Variants in HEG1 observed in about 807,000 individuals in gnomAD.
The protein encoded by HEG1 is protein HEG homolog 1.
A neutral mutation model predicts 125.6 loss-of-function variants in HEG1; 56 were observed. The ratio of observed to expected loss-of-function variants is 0.45; its 90% confidence interval spans 0.36 to 0.56. The LOEUF (loss-of-function observed/expected upper bound fraction) is 0.56. Ranked by LOEUF, HEG1 falls within the 20% of genes least tolerant of loss-of-function variation. The pLI, the probability that HEG1 is intolerant of heterozygous loss-of-function variation, is 0.00. For synonymous variants in HEG1, 644 were observed against 668.5 expected (o/e 0.96, Z 0.57); for missense variants, 1,523 against 1,670.0 (o/e 0.91, Z 1.53).
chr3:125,055,597 C>A lies in HEG1; in HGVS notation c.294G>T (p.Arg98=). 1 of 1,206,050 alleles carries A rather than the reference C, an allele frequency of 8.3e-7. No individual in the cohort carries two copies. Among genetic ancestry groups the A allele is most frequent in the Non-Finnish European group, 1.0e-6 (1 of 971,076 alleles). 74.7% of individuals were successfully genotyped at this position (1,206,050 alleles called of 1,614,324 possible). ...CACCCGCGCTCCCGCCTCTGGGGGC[C>A]CGGCCGGAGGGTCCCCGCTGTGTCG... ...GAATQRGPSG[R]APRGGSADAA... The change falls in exon 1 of 17, where the codon CGG becomes CGT. Residue 98 remains arginine, a synonymous_variant. Coordinates refer to ENST00000311127, the MANE Select transcript of HEG1 (RefSeq NM_020733.2).
At chr3:125,008,400 C>T (rs1165149609) in intron 8 of HEG1, among the ~76,000 whole-genome samples, 4 of 152,222 alleles carry the variant, frequency 2.6e-5, no homozygotes, top group African/African-American at 7.2e-5. Context: ...GACATTTGCT[C>T]TCTCAAAAAC....
intron 12 of HEG1, among the ~76,000 whole-genome samples, 177 bp from the exon 13 acceptor site, chr3:124,991,163 T>TC (rs58811865): frequency 0.24 from 35,464 of 150,528 alleles, 4,312 homozygotes; most frequent in East Asian, 0.35. Flanking sequence ...TTTTTTTTTT[T>TC]TTCTGAGATA....
rs1265947612 is a variant in HEG1, at chr3:124,987,799, C to A, written c.3733+2988G>T. Among the ~76,000 whole-genome samples the A allele has an allele frequency of 2.0e-5, 3 of 151,108 alleles. 1 individual carries two copies. Among genetic ancestry groups the A allele is most frequent in the African/African-American group, 7.3e-5 (3 of 41,320 alleles). On this transcript the variant is annotated intron_variant, in intron 14 of 16. Coordinates refer to ENST00000311127, the MANE Select transcript of HEG1 (RefSeq NM_020733.2). ...CCTCCCAAAGTGCTGAGATTACAGG[C>A]GTGAGCCACAGCGCCCGGCCAAGCC...
chr3:124,997,786 G>A lies in HEG1; in HGVS notation c.3555C>T (p.Asp1185=). The change falls in exon 12 of 17, where the codon GAC becomes GAT. Residue 1185 remains aspartate, a synonymous_variant. Coordinates refer to ENST00000311127, the MANE Select transcript of HEG1 (RefSeq NM_020733.2). ...SLCKRKSPEC[D]KDTSICTDLD... Reference sequence around the variant, plus strand: ...GGTCAGTGCAGATGGAGGTGTCTTTGTCACATTCGGGACTCTTCCGCTTGC... The same window carrying A: ...GGTCAGTGCAGATGGAGGTGTCTTTATCACATTCGGGACTCTTCCGCTTGC... 6.3e-7 allele frequency: 1 copy of A among 1,595,806 alleles called. No homozygotes were observed. The highest frequency in any genetic ancestry group is 8.6e-7 in the Non-Finnish European group (1 of 1,168,080).
chr3:124,982,475 T>A (rs546131652), intron 14 of HEG1, among the ~76,000 whole-genome samples: 1 of 152,336 alleles, frequency 6.6e-6, no homozygotes, highest in South Asian at 2.1e-4. Flanking sequence ...TGCAAAAAGA[T>A]TTCTGGAATG....
chr3:125,002,913 CAGGCCTGCTTCCCTGCTACCCTGCACAAT>C (rs1937020341), intron 9 of HEG1, among the ~76,000 whole-genome samples: 1 of 152,206 alleles, frequency 6.6e-6, no homozygotes, highest in South Asian at 2.1e-4. Context: ...CATGAAATAT[CAGGCCTGCTTCCCTGCTACCCTGCACAAT>C]AGGAGCTATC....
Position 125,013,656 on chromosome 3 carries a change from A to G in HEG1, c.1923T>C (p.Asn641=). ...SNLPSYTPTI[N]MPNTSVVLDT... is the part of the protein sequence containing the mutation. The stretch of plus-strand genomic sequence containing the variant: ...CCAGAACAACCGAAGTGTTCGGCAT[A>G]TTAATGGTGGGTGTGTAGGACGGAA... The change falls in exon 6 of 17, where the codon AAT becomes AAC. Residue 641 remains asparagine, a synonymous_variant. Transcript: ENST00000311127. 6.2e-7 allele frequency: 1 copy of G among 1,613,618 alleles called. No individual in the cohort carries two copies. Among genetic ancestry groups the G allele is most frequent in the South Asian group, 1.1e-5 (1 of 90,932 alleles).
At position 125,012,129 on chromosome 3, in the gene HEG1, C is replaced by T. The variant is rs80344015; in HGVS notation, c.2956+494G>A. On this transcript the variant is annotated intron_variant, in intron 6 of 16. Transcript: ENST00000311127. Reference sequence around the variant, plus strand: ...CCCTGGATCAAGAGAAGCCCAGTGACGCCAAGAAGCTCCCTGGTGACTGGG... The same window carrying T: ...CCCTGGATCAAGAGAAGCCCAGTGATGCCAAGAAGCTCCCTGGTGACTGGG... Among the ~76,000 whole-genome samples, 292 of 152,328 alleles carry T rather than the reference C, an allele frequency of 1.9e-3. 4 individuals carry two copies. In the South Asian group the frequency reaches 0.025, roughly 13 times the overall value.
chr3:125,009,882 C>T, intron 7 of HEG1, 58 bp from the exon 8 acceptor site: 1 of 1,545,614 alleles, frequency 6.5e-7, no homozygotes, highest in South Asian at 1.2e-5. Flanking sequence ...AAAACCATAA[C>T]CCAGTGTAGT....
chr3:125,038,733 G>T (rs1937568331), intron 1 of HEG1, among the ~76,000 whole-genome samples: 1 of 151,984 alleles, frequency 6.6e-6, no homozygotes, highest in South Asian at 2.1e-4. Context: ...GAGTAATTTG[G>T]AATAAACCTG....
rs551210411 is a variant in HEG1, at chr3:125,034,692, T to C, written c.317-5204A>G. ...GTGCATACCGGTGGTCCCAGCTACTTGGAAGGCTGAGGTGGAAGGATTGCT... is the reference window on the plus strand; with the variant it reads ...GTGCATACCGGTGGTCCCAGCTACTCGGAAGGCTGAGGTGGAAGGATTGCT... On this transcript the variant is annotated intron_variant, in intron 1 of 16. Coordinates refer to ENST00000311127, the MANE Select transcript of HEG1 (RefSeq NM_020733.2). 2.6e-4 allele frequency among the ~76,000 whole-genome samples: 40 copies of C among 152,002 alleles called. 1 individual carries two copies. The South Asian group carries it at 8.3e-3, about 32-fold the overall frequency.
rs1415886960 is a variant in HEG1, at chr3:124,967,242, A to G, written c.*3410T>C. 6.6e-6 allele frequency: 1 copy of G among 152,168 alleles called. No homozygotes were observed. The highest frequency in any genetic ancestry group is 1.5e-5 in the Non-Finnish European group (1 of 68,046). 9.4% of individuals were successfully genotyped at this position (152,168 alleles called of 1,614,324 possible). On this transcript the variant is annotated 3_prime_UTR_variant, in exon 17 of 17. Transcript: ENST00000311127. ...TCCAGTATGTGGGAGCCATGGCCTTACCACGGGAACAAGGCAAGCAGCTCT... is the reference window on the plus strand; with the variant it reads ...TCCAGTATGTGGGAGCCATGGCCTTGCCACGGGAACAAGGCAAGCAGCTCT...
intron 1 of HEG1, among the ~76,000 whole-genome samples, chr3:125,048,620 C>T (rs770229505): frequency 7.2e-5 from 11 of 152,192 alleles, no homozygotes; most frequent in Non-Finnish European, 1.5e-4. Context: ...CCAGTCAGAT[C>T]CTGCAGGCCT....
chr3:125,002,125 G>T (rs1469844450), intron 10 of HEG1, 113 bp from the exon 11 acceptor site: 4 of 1,514,018 alleles, frequency 2.6e-6, no homozygotes, highest in African/African-American at 1.4e-5. Context: ...AGAGCATGAA[G>T]GTCAGTGACC....
chr3:124,972,656 C>T (rs1221013457), intron 16 of HEG1, among the ~76,000 whole-genome samples: 1 of 152,184 alleles, frequency 6.6e-6, no homozygotes, highest in Non-Finnish European at 1.5e-5. Flanking sequence ...ATTGCTATTC[C>T]TCAGACAGCT....
chr3:125,029,974 A>G (rs891421132), intron 1 of HEG1, among the ~76,000 whole-genome samples: 3 of 152,224 alleles, frequency 2.0e-5, no homozygotes, highest in Non-Finnish European at 4.4e-5. Flanking sequence ...AAGCAACAAT[A>G]TAATACAGGA....
chr3:124,995,715 A>C (rs1936911297), intron 12 of HEG1, among the ~76,000 whole-genome samples: 1 of 152,226 alleles, frequency 6.6e-6, no homozygotes, highest in African/African-American at 2.4e-5. Flanking sequence ...AAAGGGCTTC[A>C]CGGGGTCTCA....
chr3:124,970,958 C>T, intron 16 of HEG1, 157 bp from the exon 17 acceptor site: 1 of 694,904 alleles, frequency 1.4e-6, no homozygotes, highest in South Asian at 1.9e-5. Context: ...TTTAAAGTAT[C>T]TTTCTCTCTG....
intron 1 of HEG1, 58 bp downstream of exon 1, chr3:125,055,517 G>A (rs897337624): frequency 2.5e-4 from 280 of 1,104,556 alleles, no homozygotes; most frequent in Non-Finnish European, 3.1e-4. Flanking sequence ...GCAGCCCGGG[G>A]CGCGCCCACG....
Sources: gnomAD v4.1 joint callset for allele counts (sites outside exome capture counted in the v4.1 genomes callset) on GRCh38, gnomAD v4.1.1 for gene constraint, MANE v1.5 for transcripts, NCBI Gene and HGNC (gene_info 2026-07-23, HGNC 2026-07-21) for gene names.